Variants in AFG1L observed in about 807,000 individuals in gnomAD.
The protein encoded by AFG1L is AFG1 like ATPase.
Under a neutral mutation model 62.2 loss-of-function variants are expected in AFG1L, and 53 were observed. The observed-to-expected ratio is 0.85, with a 90% CI of 0.68 to 1.07. The LOEUF is 1.07. Ranked by LOEUF, AFG1L falls within the 50% of genes least tolerant of loss-of-function variation. The pLI is 0.00. For synonymous variants in AFG1L, 228 were observed against 210.3 expected (o/e 1.08, Z -0.73); for missense variants, 555 against 590.5 (o/e 0.94, Z 0.62).
rs774065452 is a variant in AFG1L at position 108,295,110 on chromosome 6, C to T, written c.31C>T (p.Leu11=). 4 of 1,611,502 alleles carry T rather than the reference C, an allele frequency of 2.5e-6. No homozygotes were observed. In the African/African-American group the frequency reaches 4.0e-5, roughly 16 times the overall value. Residue 11 remains leucine (L), a synonymous_variant, in exon 1 of 13, where the codon CTG becomes TTG. Transcript: ENST00000368977. MAASWSLLVT[L]RPLAQSPLRG... ...GGCCTCCTGGTCGCTCTTGGTTACCCTGCGCCCCTTAGCACAGAGCCCGCT... is the reference window on the plus strand; with the variant it reads ...GGCCTCCTGGTCGCTCTTGGTTACCTTGCGCCCCTTAGCACAGAGCCCGCT...
intron 6 of AFG1L, among the ~76,000 whole-genome samples, chr6:108,389,809 C>T (rs192429355): frequency 1.0e-3 from 157 of 152,292 alleles, no homozygotes; most frequent in African/African-American, 3.8e-3. Flanking sequence ...GTGCCTTTAA[C>T]ATTTTTTCCT....
intron 7 of AFG1L, among the ~76,000 whole-genome samples, chr6:108,427,895 G>A (rs886863698): frequency 2.0e-5 from 3 of 152,066 alleles, no homozygotes; most frequent in African/African-American, 7.2e-5. Context: ...CTCTTTACTT[G>A]TGTATTAGCT....
intron 7 of AFG1L, among the ~76,000 whole-genome samples, chr6:108,424,640 A>G (rs1478072945): frequency 1.3e-5 from 2 of 152,098 alleles, no homozygotes; most frequent in African/African-American, 4.8e-5. Context: ...ATTGTAATAT[A>G]TATAATAGAG....
chr6:108,427,431 A>G (rs1770867405), intron 7 of AFG1L, among the ~76,000 whole-genome samples: 1 of 152,050 alleles, frequency 6.6e-6, no homozygotes, highest in African/African-American at 2.4e-5. Context: ...GTTTACTTTT[A>G]AAGTAATGCC....
At chr6:108,424,240 T>G (rs1011767083) in intron 7 of AFG1L, among the ~76,000 whole-genome samples, 2 of 152,152 alleles carry the variant, frequency 1.3e-5, no homozygotes, top group African/African-American at 2.4e-5. Flanking sequence ...GGGATTGGAC[T>G]ACAAGGTTGC....
rs916246995 is a variant in AFG1L at position 108,430,171 on chromosome 6, C to T, written c.808-17043C>T. Among the ~76,000 whole-genome samples, 5 of 152,158 alleles carry T rather than the reference C, an allele frequency of 3.3e-5. No homozygotes were observed. The East Asian group carries it at 9.6e-4, about 29-fold the overall frequency. ...CCATGTTGGCCAGGCTGATCTCAAA[C>T]TCCTGACCTCAAATGTTCCACCCGC... On this transcript the variant is annotated intron_variant, in intron 7 of 12. Coordinates refer to ENST00000368977, the MANE Select transcript of AFG1L (RefSeq NM_145315.5).
intron 6 of AFG1L, among the ~76,000 whole-genome samples, chr6:108,372,248 G>T (rs1418757320): frequency 6.6e-6 from 1 of 150,632 alleles, no homozygotes; most frequent in East Asian, 1.9e-4. Flanking sequence ...TTTTTGCTAG[G>T]AAAAGATTTT....
chr6:108,416,898 A>T (rs551669414), intron 7 of AFG1L, among the ~76,000 whole-genome samples: 1 of 152,068 alleles, frequency 6.6e-6, no homozygotes, highest in Admixed American at 6.6e-5. Flanking sequence ...TGTTGTGCAC[A>T]TGTACCCTAG....
chr6:108,340,885 A>C (rs942191270), intron 2 of AFG1L, among the ~76,000 whole-genome samples: 6 of 152,214 alleles, frequency 3.9e-5, no homozygotes, highest in African/African-American at 1.4e-4. Context: ...CTTTCAACCC[A>C]ATGCCTTCTG....
intron 6 of AFG1L, among the ~76,000 whole-genome samples, chr6:108,369,616 T>C (rs1779907020): frequency 6.7e-6 from 1 of 149,510 alleles, no homozygotes; most frequent in Non-Finnish European, 1.5e-5. Flanking sequence ...AGGTCACAAT[T>C]TTTTTTTTTT....
chr6:108,498,939 A>T (rs1204892000), intron 10 of AFG1L, among the ~76,000 whole-genome samples: 2 of 152,114 alleles, frequency 1.3e-5, no homozygotes, highest in Non-Finnish European at 2.9e-5. Context: ...GCGCCACTGC[A>T]CTCTAGCTTG....
At chr6:108,441,329 C>CAT (rs1562163448) in intron 7 of AFG1L, among the ~76,000 whole-genome samples, 1 of 152,116 alleles carries the variant, frequency 6.6e-6, no homozygotes, top group African/African-American at 2.4e-5. Flanking sequence ...TTTCCAAACT[C>CAT]AAAGGCCTTT....
intron 1 of AFG1L, among the ~76,000 whole-genome samples, chr6:108,310,455 T>C (rs1368987514): frequency 6.6e-6 from 1 of 152,216 alleles, no homozygotes; most frequent in Non-Finnish European, 1.5e-5. Context: ...ATTTAAAAAT[T>C]GCATTTGTCT....
intron 11 of AFG1L, among the ~76,000 whole-genome samples, chr6:108,511,710 C>A (rs1372391942): frequency 1.3e-5 from 2 of 152,116 alleles, no homozygotes; most frequent in African/African-American, 2.4e-5. Flanking sequence ...ATTAGATAGA[C>A]CAGTGATTCT....
intron 1 of AFG1L, among the ~76,000 whole-genome samples, chr6:108,323,198 C>CT (rs1777882772): frequency 6.6e-6 from 1 of 152,102 alleles, no homozygotes; most frequent in South Asian, 2.1e-4. Context: ...AACTCTCTTG[C>CT]TTTGGGAAGG....
At chr6:108,395,751 A>C (rs914325622) in intron 6 of AFG1L, among the ~76,000 whole-genome samples, 1 of 144,434 alleles carries the variant, frequency 6.9e-6, no homozygotes, top group South Asian at 2.5e-4. Context: ...ATAACTTTAT[A>C]GAATGACCTT....
At chr6:108,355,782 T>A in intron 4 of AFG1L, 27 bp downstream of exon 4, 2 of 1,460,978 alleles carry the variant, frequency 1.4e-6, no homozygotes, top group Non-Finnish European at 1.9e-6. Flanking sequence ...AAGAAGTGAT[T>A]TTTTCAGTGG....
At chr6:108,297,732 G>A (rs948893570) in intron 1 of AFG1L, among the ~76,000 whole-genome samples, 1 of 151,750 alleles carries the variant, frequency 6.6e-6, no homozygotes, top group Non-Finnish European at 1.5e-5. Context: ...GTGCACGCCT[G>A]TAGTCCCAGC....
chr6:108,424,545 A>G (rs1272754409), intron 7 of AFG1L, among the ~76,000 whole-genome samples: 1 of 152,048 alleles, frequency 6.6e-6, no homozygotes, highest in East Asian at 1.9e-4. Context: ...TCCTGCCATC[A>G]GGGAAATTAG....
Sources: gnomAD v4.1 joint callset for allele counts (sites outside exome capture counted in the v4.1 genomes callset) on GRCh38, gnomAD v4.1.1 for gene constraint, MANE v1.5 for transcripts, NCBI Gene and HGNC (gene_info 2026-07-23, HGNC 2026-07-21) for gene names.